FRMD3: variants seen among roughly 807,000 people sequenced by gnomAD.
FRMD3 encodes the protein FERM domain-containing protein 3.
A neutral mutation model predicts 70.2 loss-of-function variants in FRMD3; 33 were observed. The ratio of observed to expected loss-of-function variants is 0.47; its 90% CI spans 0.36 to 0.63. The LOEUF (loss-of-function observed/expected upper bound fraction) is 0.63. FRMD3 is among the 20% of genes least tolerant of loss of function. The pLI is 0.00. For missense variants in FRMD3, 632 were observed against 711.4 expected (o/e 0.89, Z 1.27); for synonymous variants, 279 against 255.9 (o/e 1.09, Z -0.86).
At chr9:83,346,160 G>A (rs1203946069) in intron 4 of FRMD3, among the ~76,000 whole-genome samples, 3 of 149,726 alleles carry the variant, frequency 2.0e-5, no homozygotes, top group African/African-American at 7.4e-5. Context: ...GGAGGTTGAG[G>A]CAGGAAAATT....
At position 83,246,479 on chromosome 9, in the gene FRMD3, T is replaced by A. The variant is rs749990339; in HGVS notation, c.*1439A>T. On this transcript the variant is annotated 3_prime_UTR_variant, in exon 14 of 14. Transcript: ENST00000304195. Reference sequence around the variant, plus strand: ...GCACTGGTCCCCTCTACAGTCTGGTTAGGGTCATGTCACTACTTTACCCAG... The same window carrying A: ...GCACTGGTCCCCTCTACAGTCTGGTAAGGGTCATGTCACTACTTTACCCAG... 4.8e-5 allele frequency: 47 copies of A among 985,110 alleles called. No homozygotes were observed. The highest frequency in any genetic ancestry group is 5.5e-5 in the Non-Finnish European group (46 of 829,880). 61.0% of individuals were successfully genotyped at this position (985,110 alleles called of 1,614,324 possible). A position where few individuals can be genotyped will look rare whatever the true frequency, so the allele number is the denominator to read the frequency against.
At chr9:83,303,088 G>A (rs1053372934) in intron 10 of FRMD3, among the ~76,000 whole-genome samples, 5 of 152,172 alleles carry the variant, frequency 3.3e-5, no homozygotes, top group Non-Finnish European at 5.9e-5. Context: ...AGGTACTGGG[G>A]GGACATTGGG....
At chr9:83,322,996 T>C (rs1228215033) in intron 6 of FRMD3, among the ~76,000 whole-genome samples, 1 of 152,162 alleles carries the variant, frequency 6.6e-6, no homozygotes, top group Non-Finnish European at 1.5e-5. Flanking sequence ...ACCACTAACA[T>C]CTCCATCTGG....
chr9:83,415,583 C>T (rs144231155), intron 1 of FRMD3, among the ~76,000 whole-genome samples: 1 of 149,366 alleles, frequency 6.7e-6, no homozygotes, highest in Non-Finnish European at 1.5e-5. Context: ...GCTGGGACTA[C>T]AGGTGCCCAC....
At chr9:83,555,307 G>A in the FRMD3 span, among the ~76,000 whole-genome samples, 2 of 151,678 alleles carry the variant, frequency 1.3e-5, no homozygotes, top group Non-Finnish European at 2.9e-5. Flanking sequence ...GTTGGCTGGA[G>A]AGCTTGGGTG....
At chr9:83,568,590 G>A in the FRMD3 span, among the ~76,000 whole-genome samples, 2 of 152,254 alleles carry the variant, frequency 1.3e-5, no homozygotes, top group East Asian at 1.9e-4. Flanking sequence ...CTAAAAGAAG[G>A]TGAACTCAAA....
chr9:83,265,701 T>C (rs185505840), intron 13 of FRMD3, among the ~76,000 whole-genome samples: 35 of 152,302 alleles, frequency 2.3e-4, no homozygotes, highest in African/African-American at 8.4e-4. Context: ...TCATTTTCCT[T>C]TCAACCATTT....
intron 1 of FRMD3, among the ~76,000 whole-genome samples, chr9:83,506,747 C>T (rs1829190762): frequency 6.6e-6 from 1 of 152,166 alleles, no homozygotes; most frequent in Non-Finnish European, 1.5e-5. Context: ...CCTTAGCTTA[C>T]TGTGACATTT....
intron 13 of FRMD3, among the ~76,000 whole-genome samples, 161 bp from the exon 14 acceptor site, chr9:83,248,677 C>T (rs1008142954): frequency 1.3e-5 from 2 of 152,164 alleles, no homozygotes; most frequent in African/African-American, 4.8e-5. Flanking sequence ...TAGTAAAAGA[C>T]CCTGTACCAT....
intron 1 of FRMD3, among the ~76,000 whole-genome samples, chr9:83,458,310 A>G (rs1465875199): frequency 1.3e-5 from 2 of 152,244 alleles, no homozygotes; most frequent in African/African-American, 4.8e-5. Flanking sequence ...CACTGAAGCC[A>G]AAGAACAGAG....
At chr9:83,378,270 G>GTT (rs929245215) in intron 2 of FRMD3, among the ~76,000 whole-genome samples, 2 of 135,952 alleles carry the variant, frequency 1.5e-5, no homozygotes, top group African/African-American at 3.0e-5. Flanking sequence ...TGTTTTTTTT[G>GTT]TTTTTTTTGA....
the FRMD3 span, among the ~76,000 whole-genome samples, chr9:83,562,774 T>A: frequency 1.2e-4 from 19 of 152,096 alleles, no homozygotes; most frequent in African/African-American, 4.6e-4. Flanking sequence ...ACTAATAGAA[T>A]TATGGAATGT....
chr9:83,577,326 A>C, the FRMD3 span, among the ~76,000 whole-genome samples: 1 of 152,126 alleles, frequency 6.6e-6, no homozygotes, highest in Non-Finnish European at 1.5e-5. Context: ...AGCAATAGTA[A>C]ATAAGACAGT....
chr9:83,485,408 C>T (rs543157908), intron 1 of FRMD3, among the ~76,000 whole-genome samples: 1 of 152,306 alleles, frequency 6.6e-6, no homozygotes, highest in South Asian at 2.1e-4. Flanking sequence ...ATAAACAGTG[C>T]ATCGTTCTTT....
intron 5 of FRMD3, among the ~76,000 whole-genome samples, chr9:83,342,716 ATAGATAGATAGATAGATAGT>A (rs1344280838): frequency 9.5e-5 from 14 of 147,646 alleles, no homozygotes; most frequent in African/African-American, 1.2e-4. Context: ...AGATAGATAG[ATAGATAGATAGATAGATAGT>A]TAGATAGACA....
intron 2 of FRMD3, among the ~76,000 whole-genome samples, chr9:83,377,186 T>A (rs1258279131): frequency 2.0e-5 from 3 of 152,188 alleles, no homozygotes; most frequent in Admixed American, 6.5e-5. Flanking sequence ...CTTTACCATA[T>A]CTTTAATATG....
At chr9:83,362,906 C>T (rs544401545) in intron 3 of FRMD3, among the ~76,000 whole-genome samples, 1 of 136,602 alleles carries the variant, frequency 7.3e-6, no homozygotes, top group African/African-American at 2.7e-5. Flanking sequence ...CTCCTTCCTC[C>T]CTTTCTTTCC....
At chr9:83,333,170 T>C (rs139059940) in intron 6 of FRMD3, among the ~76,000 whole-genome samples, 2 of 152,316 alleles carry the variant, frequency 1.3e-5, no homozygotes, top group East Asian at 3.9e-4. Flanking sequence ...CTGAATGAAA[T>C]ACAGAACTAC....
chr9:83,582,077 T>C, the FRMD3 span, among the ~76,000 whole-genome samples: 2 of 151,576 alleles, frequency 1.3e-5, no homozygotes, highest in African/African-American at 2.4e-5. Context: ...AAGTAATCTC[T>C]TTTTTTTTCT....
Sources: gnomAD v4.1 joint callset for allele counts (sites outside exome capture counted in the v4.1 genomes callset) on GRCh38, gnomAD v4.1.1 for gene constraint, MANE v1.5 for transcripts, NCBI Gene and HGNC (gene_info 2026-07-23, HGNC 2026-07-21) for gene names.